Variants in KIAA0825 observed in about 807,000 individuals in gnomAD.
The protein encoded by KIAA0825 is KIAA0825, also known as uncharacterized protein KIAA0825.
Under a neutral mutation model 147.6 loss-of-function variants are expected in KIAA0825, and 119 were observed. The ratio of observed to expected loss-of-function variants is 0.81; its 90% CI spans 0.69 to 0.94. KIAA0825 has a LOEUF of 0.94. Ranked by LOEUF, KIAA0825 falls within the 40% of genes least tolerant of loss-of-function variation. The pLI is 0.00. For missense variants in KIAA0825, 1,381 were observed against 1,472.7 expected, an observed-to-expected ratio of 0.94 and a Z score of 1.02; for synonymous variants, 470 against 518.1, an observed-to-expected ratio of 0.91 and a Z score of 1.26.
intron 20 of KIAA0825, among the ~76,000 whole-genome samples, chr5:94,168,009 C>G (rs1768216005): frequency 1.3e-5 from 2 of 148,810 alleles, no homozygotes; most frequent in Admixed American, 1.3e-4. Flanking sequence ...TTAGAACCCC[C>G]GAAACCCAAT....
In KIAA0825 at chr5:94,153,277, T is replaced by G. The variant is rs1305167965; in HGVS notation, c.*730A>C. ...GGGTAAAGATTGCTGGAATTAGTTT[T>G]GAGCCTAATTTTGGAAGAAAGATGG... On this transcript the variant is annotated 3_prime_UTR_variant, in exon 21 of 21. Coordinates refer to ENST00000682413, the MANE Select transcript of KIAA0825 (RefSeq NM_001145678.3). 1 of 152,058 alleles carries G rather than the reference T, an allele frequency of 6.6e-6. No individual in the cohort carries two copies. Among genetic ancestry groups the G allele is most frequent in the African/African-American group, 2.4e-5 (1 of 41,380 alleles). 9.4% of individuals were successfully genotyped at this position (152,058 alleles called of 1,614,324 possible). A position where few individuals can be genotyped will look rare whatever the true frequency, so the allele number is the denominator to read the frequency against.
At chr5:94,538,561 G>T (rs562145488) in intron 2 of KIAA0825, among the ~76,000 whole-genome samples, 8 of 152,128 alleles carry the variant, frequency 5.3e-5, no homozygotes, top group Admixed American at 1.3e-4. Flanking sequence ...ACTAACCTTT[G>T]GTAGACAGCT....
chr5:94,305,849 G>C (rs1255732865), intron 20 of KIAA0825, among the ~76,000 whole-genome samples: 1 of 151,910 alleles, frequency 6.6e-6, no homozygotes, highest in Non-Finnish European at 1.5e-5. Context: ...GATATCAGGA[G>C]ACTCAGATGG....
chr5:94,432,884 A>G (rs1436049815), intron 14 of KIAA0825, among the ~76,000 whole-genome samples: 3 of 152,118 alleles, frequency 2.0e-5, no homozygotes, highest in African/African-American at 7.2e-5. Context: ...TAAAAGAAAA[A>G]CAATAACAGG....
In KIAA0825 at chr5:94,152,850, AAAAAATTATATAT is replaced by A. The variant is rs1766635957; in HGVS notation, c.*1144_*1156del. ...AAAAAAAAAAAAAAAAAAAAAAAAA[AAAAAATTATATAT>A]ATATATATATATATATATATATATA... On this transcript the variant is annotated 3_prime_UTR_variant, in exon 21 of 21. Transcript: ENST00000682413. 1 of 20,526 alleles carries A rather than the reference AAAAAATTATATAT, an allele frequency of 4.9e-5. No individual in the cohort carries two copies. The highest frequency in any genetic ancestry group is 1.7e-4 in the African/African-American group (1 of 5,988). The allele number at this position is 20,526 out of a possible 1,614,324, so 1.3% of individuals were successfully genotyped here.
intron 20 of KIAA0825, among the ~76,000 whole-genome samples, chr5:94,200,871 C>T (rs1226602410): frequency 6.7e-6 from 1 of 148,318 alleles, no homozygotes. Flanking sequence ...TTTTTTCCTG[C>T]TATATTCCTC....
intron 12 of KIAA0825, among the ~76,000 whole-genome samples, chr5:94,457,540 C>T (rs1184833946): frequency 6.6e-6 from 1 of 152,188 alleles, no homozygotes; most frequent in Non-Finnish European, 1.5e-5. Flanking sequence ...ATGCCCCTTC[C>T]TTGCGTTAGC....
At chr5:94,418,057 T>A (rs1200205176) in intron 14 of KIAA0825, among the ~76,000 whole-genome samples, 3 of 152,324 alleles carry the variant, frequency 2.0e-5, no homozygotes, top group East Asian at 3.9e-4. Context: ...AAAGGTGAAA[T>A]AATAATTTCT....
chr5:94,290,310 G>A (rs1777832495), intron 20 of KIAA0825, among the ~76,000 whole-genome samples: 1 of 152,068 alleles, frequency 6.6e-6, no homozygotes, highest in Non-Finnish European at 1.5e-5. Flanking sequence ...ACAGACCCTG[G>A]TGTGTGATGT....
rs541591862 is a variant in KIAA0825, at chr5:94,152,412, G to C, written c.*1595C>G. Reference sequence around the variant, plus strand: ...CCATGATGTAAGGCTTCTGGGCCTGGTGTGGTGGCTTATGCCTATAGTTCC... The same window carrying C: ...CCATGATGTAAGGCTTCTGGGCCTGCTGTGGTGGCTTATGCCTATAGTTCC... On this transcript the variant is annotated 3_prime_UTR_variant, in exon 21 of 21. Transcript: ENST00000682413. 1.0e-3 allele frequency among the ~76,000 whole-genome samples: 153 copies of C among 152,284 alleles called. No homozygotes were observed. Among genetic ancestry groups the C allele is most frequent in the African/African-American group, 3.6e-3 (148 of 41,560 alleles).
chr5:94,206,431 C>G (rs1772204691), intron 20 of KIAA0825, among the ~76,000 whole-genome samples: 1 of 151,964 alleles, frequency 6.6e-6, no homozygotes, highest in Admixed American at 6.6e-5. Context: ...TCTTCATTTG[C>G]CTTTTGTTTA....
rs1410929569 is a variant in KIAA0825, at chr5:94,153,757, G to A, written c.*250C>T. ...GAAAAAAATAATTCAAAGGGAACAC[G>A]AGATGGCAGCAGTTATATCATATAA... is the stretch of plus-strand genomic sequence containing the variant. On this transcript the variant is annotated 3_prime_UTR_variant, in exon 21 of 21. Transcript: ENST00000682413. The A allele has an allele frequency of 3.2e-6, 1 of 316,996 alleles. No homozygotes were observed. The highest frequency in any genetic ancestry group is 4.6e-5 in the Admixed American group (1 of 21,574). The allele number at this position is 316,996 out of a possible 1,614,324, so 19.6% of individuals were successfully genotyped here.
At chr5:94,164,764 C>A (rs2149929452) in intron 20 of KIAA0825, among the ~76,000 whole-genome samples, 1 of 152,114 alleles carries the variant, frequency 6.6e-6, no homozygotes, top group African/African-American at 2.4e-5. Context: ...GGGGAAAAGA[C>A]AGTCTCTTCA....
intron 20 of KIAA0825, among the ~76,000 whole-genome samples, chr5:94,340,909 G>A (rs750079928): frequency 2.0e-5 from 3 of 152,192 alleles, no homozygotes; most frequent in Non-Finnish European, 4.4e-5. Context: ...GGCCTGAGAT[G>A]TATTAATTCA....
intron 14 of KIAA0825, among the ~76,000 whole-genome samples, chr5:94,426,181 T>C (rs1264832125): frequency 1.3e-5 from 2 of 151,872 alleles, no homozygotes; most frequent in African/African-American, 2.4e-5. Context: ...AGAACTACCA[T>C]ATGAATCAGC....
At chr5:94,461,702 A>G (rs1276746023) in intron 12 of KIAA0825, among the ~76,000 whole-genome samples, 2 of 151,910 alleles carry the variant, frequency 1.3e-5, no homozygotes, top group African/African-American at 4.8e-5. Context: ...GAAACACTTG[A>G]CCTAATTTAT....
intron 20 of KIAA0825, among the ~76,000 whole-genome samples, chr5:94,342,080 C>A (rs1310917909): frequency 2.0e-5 from 3 of 151,938 alleles, no homozygotes; most frequent in Non-Finnish European, 4.4e-5. Flanking sequence ...CCTGTAGTCC[C>A]AGCTACTTGG....
rs890547996 is a variant in KIAA0825 at position 94,527,138 on chromosome 5, T to A, written c.132-3040A>T. ...AAGAAATATGAATTTATTTTTATGG[T>A]CACTACTACACTCATGCATGTATGG... On this transcript the variant is annotated intron_variant, in intron 3 of 20. Coordinates refer to ENST00000682413, the MANE Select transcript of KIAA0825 (RefSeq NM_001145678.3). Among the ~76,000 whole-genome samples, 21 of 152,054 alleles carry A rather than the reference T, an allele frequency of 1.4e-4. 1 individual carries two copies. The highest frequency in any genetic ancestry group is 8.5e-4 in the Admixed American group (13 of 15,228).
chr5:94,409,659 T>C (rs1752506132), intron 15 of KIAA0825, among the ~76,000 whole-genome samples: 1 of 152,202 alleles, frequency 6.6e-6, no homozygotes, highest in Admixed American at 6.5e-5. Flanking sequence ...TGAACAGTTA[T>C]CAGAGTTCAT....
Sources: allele counts gnomAD v4.1 joint callset (sites outside exome capture counted in the v4.1 genomes callset), GRCh38; gene constraint gnomAD v4.1.1; transcripts MANE v1.5; gene names NCBI Gene and HGNC (gene_info 2026-07-23, HGNC 2026-07-21).